Variants in OLFM3 observed in about 807,000 individuals in gnomAD.
The protein encoded by OLFM3 is olfactomedin 3.
Under a neutral mutation model 48.6 loss-of-function variants are expected in OLFM3, and 20 were observed. The observed-to-expected ratio is 0.41, with a 90% CI of 0.29 to 0.60. The LOEUF is 0.60. Ranked by LOEUF, OLFM3 falls within the 20% of genes least tolerant of loss-of-function variation. The pLI is 0.28. For synonymous variants in OLFM3, 222 were observed against 198.1 expected, an observed-to-expected ratio of 1.12 and a Z score of -1.01; for missense variants, 437 against 544.3, an observed-to-expected ratio of 0.80 and a Z score of 1.96.
chr1:101,911,729 C>T (rs1399013361), intron 1 of OLFM3, among the ~76,000 whole-genome samples: 1 of 152,088 alleles, frequency 6.6e-6, no homozygotes, highest in Non-Finnish European at 1.5e-5. Flanking sequence ...AGGAGGAAAT[C>T]CAGGCTAAAC....
intron 1 of OLFM3, among the ~76,000 whole-genome samples, chr1:101,970,533 C>T (rs187490714): frequency 2.0e-5 from 3 of 152,248 alleles, no homozygotes; most frequent in South Asian, 2.1e-4. Context: ...GCTTTTCTTT[C>T]GTACTCCTTT....
At chr1:101,953,630 G>C (rs2101074457) in intron 1 of OLFM3, among the ~76,000 whole-genome samples, 1 of 152,208 alleles carries the variant, frequency 6.6e-6, no homozygotes, top group East Asian at 1.9e-4. Flanking sequence ...CATTAATCCT[G>C]TTTGTTCAGA....
At chr1:101,830,625 A>T in intron 3 of OLFM3, 47 bp downstream of exon 3, 1 of 1,607,252 alleles carries the variant, frequency 6.2e-7, no homozygotes, top group Non-Finnish European at 8.5e-7. Context: ...TGTCCATCCC[A>T]CTCCATGTCT....
At chr1:101,908,975 T>C (rs1374332265) in intron 1 of OLFM3, among the ~76,000 whole-genome samples, 1 of 152,238 alleles carries the variant, frequency 6.6e-6, no homozygotes, top group Non-Finnish European at 1.5e-5. Context: ...CCCACTAAGC[T>C]TGTGATAATT....
intron 1 of OLFM3, chr1:101,846,983 G>T: frequency 1.2e-6 from 2 of 1,608,364 alleles, no homozygotes; most frequent in Admixed American, 1.7e-5. Flanking sequence ...TTGCTGTGGA[G>T]CTAATGAGTT....
intron 2 of OLFM3, among the ~76,000 whole-genome samples, chr1:101,835,933 A>T (rs764705037): frequency 4.6e-5 from 7 of 152,182 alleles, no homozygotes; most frequent in Non-Finnish European, 7.4e-5. Context: ...GCAGCCTGAA[A>T]TTGTGTAAAT....
At chr1:101,884,550 G>A (rs553909504) in intron 1 of OLFM3, among the ~76,000 whole-genome samples, 3 of 152,052 alleles carry the variant, frequency 2.0e-5, no homozygotes, top group Admixed American at 2.0e-4. Context: ...TATTAGTAAG[G>A]AAGAGAGGCG....
intron 1 of OLFM3, among the ~76,000 whole-genome samples, chr1:101,910,516 C>CTG (rs4041563): frequency 0.43 from 64,628 of 149,914 alleles, 14,072 homozygotes; most frequent in East Asian, 0.59. Flanking sequence ...TCTAAATAGA[C>CTG]TAAAGAGTAT....
intron 4 of OLFM3, among the ~76,000 whole-genome samples, chr1:101,810,106 G>A (rs982305399): frequency 1.3e-5 from 2 of 151,842 alleles, no homozygotes; most frequent in Non-Finnish European, 2.9e-5. Context: ...AACTGTCTTC[G>A]TATTTTAAAA....
At chr1:101,989,380 T>C (rs1661336155) in intron 1 of OLFM3, among the ~76,000 whole-genome samples, 1 of 152,124 alleles carries the variant, frequency 6.6e-6, no homozygotes. Flanking sequence ...AATGTTGCCA[T>C]TGAAATTACC....
chr1:101,932,197 A>T (rs1290677341), intron 1 of OLFM3, among the ~76,000 whole-genome samples: 1 of 152,212 alleles, frequency 6.6e-6, no homozygotes, highest in Non-Finnish European at 1.5e-5. Flanking sequence ...TAGTGTTCCC[A>T]AGAACTTTCT....
At chr1:101,948,251 C>G (rs11164348) in intron 1 of OLFM3, among the ~76,000 whole-genome samples, 60,698 of 151,502 alleles carry the variant, frequency 0.4, 12,359 homozygotes, top group East Asian at 0.51. Context: ...ATAAATTGTT[C>G]AAATCCTGTC....
At chr1:101,970,883 T>C (rs1263344746) in intron 1 of OLFM3, among the ~76,000 whole-genome samples, 1 of 152,168 alleles carries the variant, frequency 6.6e-6, no homozygotes, top group East Asian at 1.9e-4. Context: ...GCGTACATAA[T>C]AGATTGCGGC....
intron 1 of OLFM3, among the ~76,000 whole-genome samples, chr1:101,884,634 G>A (rs1242275353): frequency 6.6e-6 from 1 of 151,934 alleles, no homozygotes; most frequent in Non-Finnish European, 1.5e-5. Flanking sequence ...TTTATAATCA[G>A]GACTGCCCTA....
At chr1:101,828,117 C>T (rs987923340) in intron 3 of OLFM3, among the ~76,000 whole-genome samples, 1 of 150,420 alleles carries the variant, frequency 6.6e-6, no homozygotes, top group Non-Finnish European at 1.5e-5. Flanking sequence ...CTTCCCCTTC[C>T]ATCATGATTG....
chr1:101,808,595 A>C (rs1653895566), intron 4 of OLFM3, among the ~76,000 whole-genome samples: 1 of 151,784 alleles, frequency 6.6e-6, no homozygotes, highest in Non-Finnish European at 1.5e-5. Context: ...AAAGGAAAAA[A>C]AATATGAAAC....
intron 4 of OLFM3, among the ~76,000 whole-genome samples, chr1:101,810,928 A>G (rs1654016751): frequency 6.6e-6 from 1 of 151,920 alleles, no homozygotes; most frequent in African/African-American, 2.4e-5. Flanking sequence ...TGATTCAAGT[A>G]TGAATGATAT....
chr1:101,966,344 TGTGTGTGC>T (rs745683717), intron 1 of OLFM3, among the ~76,000 whole-genome samples: 72 of 144,258 alleles, frequency 5.0e-4, no homozygotes, highest in East Asian at 2.2e-3. Context: ...TGTGTGTGTG[TGTGTGTGC>T]GCTACAGATA....
chr1:101,949,931 G>GAAAAAAAAA (rs71088114), intron 1 of OLFM3, among the ~76,000 whole-genome samples: 13 of 53,368 alleles, frequency 2.4e-4, no homozygotes, highest in East Asian at 6.6e-4. Context: ...GACTCCGTCT[G>GAAAAAAAAA]AAAAAAAAAA....
Sources: gnomAD v4.1 joint callset for allele counts (sites outside exome capture counted in the v4.1 genomes callset) on GRCh38, gnomAD v4.1.1 for gene constraint, MANE v1.5 for transcripts, NCBI Gene and HGNC (gene_info 2026-07-23, HGNC 2026-07-21) for gene names.